The following OSBPL10 variants were observed in gnomAD, a reference collection of about 807,000 sequenced individuals.
The protein encoded by OSBPL10 is oxysterol-binding protein-related protein 10.
In OSBPL10, 49 loss-of-function variants were observed where a neutral mutation model predicts 81.7. The observed-to-expected ratio is 0.60, with a 90% CI of 0.48 to 0.76. The LOEUF (loss-of-function observed/expected upper bound fraction) is 0.76. Ranked by LOEUF, OSBPL10 falls within the 30% of genes least tolerant of loss-of-function variation. The pLI is 0.00. For synonymous variants in OSBPL10, 419 were observed against 383.6 expected (o/e 1.09, Z -1.08); for missense variants, 923 against 987.8 (o/e 0.93, Z 0.88).
chr3:31,964,851 A>G (rs930921012), intron 1 of OSBPL10, among the ~76,000 whole-genome samples: 10 of 152,184 alleles, frequency 6.6e-5, no homozygotes, highest in Non-Finnish European at 1.5e-4. Flanking sequence ...ACACAAATTC[A>G]GGGGAAAATC....
chr3:31,912,537 G>T (rs1234248762), intron 1 of OSBPL10, among the ~76,000 whole-genome samples: 1 of 152,146 alleles, frequency 6.6e-6, no homozygotes, highest in East Asian at 1.9e-4. Flanking sequence ...GAATGAAATG[G>T]TAAGTTAAGG....
At chr3:31,678,875 C>CT (rs1455872876) in intron 8 of OSBPL10, among the ~76,000 whole-genome samples, 1 of 151,160 alleles carries the variant, frequency 6.6e-6, no homozygotes, top group Non-Finnish European at 1.5e-5. Context: ...CTCTCTGCTT[C>CT]TATCTTTGCA....
At chr3:31,732,188 C>T (rs1307048108) in intron 6 of OSBPL10, among the ~76,000 whole-genome samples, 1 of 152,198 alleles carries the variant, frequency 6.6e-6, no homozygotes, top group Admixed American at 6.5e-5. Context: ...ACATACAGAG[C>T]AAATGCCTTT....
intron 4 of OSBPL10, among the ~76,000 whole-genome samples, chr3:31,805,815 G>T (rs1699508223): frequency 1.3e-5 from 2 of 151,934 alleles, no homozygotes; most frequent in Admixed American, 1.3e-4. Context: ...CAACAAGAAG[G>T]GAAGAACAGC....
chr3:31,745,799 G>A (rs150471027), intron 5 of OSBPL10, among the ~76,000 whole-genome samples: 20 of 152,324 alleles, frequency 1.3e-4, no homozygotes, highest in African/African-American at 4.8e-4. Context: ...TTCAGTAAAT[G>A]ATGGTGGGTT....
upstream of OSBPL10, chr3:31,986,281 AGAG>A (rs926550530): frequency 2.6e-4 from 40 of 152,254 alleles, no homozygotes; most frequent in African/African-American, 9.6e-4. Flanking sequence ...AGAAACTCAA[AGAG>A]GAGGAGTTGA....
At chr3:31,831,934 G>A (rs998933640) in intron 3 of OSBPL10, among the ~76,000 whole-genome samples, 3 of 152,208 alleles carry the variant, frequency 2.0e-5, no homozygotes, top group Admixed American at 6.5e-5. Flanking sequence ...GTTAGTCACC[G>A]CAGCACTATG....
intron 4 of OSBPL10, among the ~76,000 whole-genome samples, chr3:31,756,295 G>A (rs1188244917): frequency 6.6e-6 from 1 of 152,148 alleles, no homozygotes; most frequent in East Asian, 1.9e-4. Flanking sequence ...TCCTGCCTCA[G>A]AAAACAACAA....
intron 4 of OSBPL10, chr3:31,797,833 A>T (rs11129465): frequency 0.036 from 16,270 of 455,352 alleles, 398 homozygotes; most frequent in African/African-American, 0.085. Context: ...TGAGCATACA[A>T]GCCTTCACCT....
intron 2 of OSBPL10, among the ~76,000 whole-genome samples, chr3:32,008,176 C>CTTT (rs1559548470): frequency 1.6e-3 from 202 of 127,176 alleles, no homozygotes; most frequent in African/African-American, 7.3e-3. Flanking sequence ...ATGTTTTTAT[C>CTTT]ATTTTTTTTT....
At chr3:31,753,089 G>GT (rs764293484) in intron 4 of OSBPL10, among the ~76,000 whole-genome samples, 4 of 151,962 alleles carry the variant, frequency 2.6e-5, no homozygotes, top group Non-Finnish European at 4.4e-5. Flanking sequence ...TCCCTGCTAA[G>GT]TTCCCCTCTG....
At chr3:31,674,484 C>T (rs997330157) in intron 8 of OSBPL10, among the ~76,000 whole-genome samples, 23 of 152,030 alleles carry the variant, frequency 1.5e-4, no homozygotes, top group African/African-American at 4.1e-4. Context: ...CACTTGAGCC[C>T]GGGAGGTCGA....
chr3:31,991,035 C>G, intron 2 of OSBPL10: 1 of 1,467,978 alleles, frequency 6.8e-7, no homozygotes, highest in Non-Finnish European at 9.2e-7. Flanking sequence ...GTTCCAAATG[C>G]AATGAGTATA....
intron 2 of OSBPL10, chr3:31,990,230 C>G: frequency 1.2e-6 from 2 of 1,613,984 alleles, no homozygotes; most frequent in Non-Finnish European, 1.7e-6. Context: ...GGGCAGTCAA[C>G]ACTTATTCAC....
intron 3 of OSBPL10, among the ~76,000 whole-genome samples, chr3:31,865,112 T>A (rs988853502): frequency 6.6e-6 from 1 of 152,154 alleles, no homozygotes; most frequent in Non-Finnish European, 1.5e-5. Context: ...GGGAGCCCCA[T>A]TAAACCTCTG....
At chr3:31,917,813 T>G (rs1261055795) in intron 1 of OSBPL10, among the ~76,000 whole-genome samples, 1 of 151,448 alleles carries the variant, frequency 6.6e-6, no homozygotes, top group African/African-American at 2.4e-5. Flanking sequence ...AGGCTGACTT[T>G]GCTCCTCGGT....
rs537175155 is a variant in OSBPL10 at position 32,073,772 on chromosome 3, G to A, written n.185+3624C>T. 8.5e-4 allele frequency among the ~76,000 whole-genome samples: 129 copies of A among 152,052 alleles called. 1 individual carries two copies. In the Middle Eastern group the frequency reaches 0.014, roughly 16 times the overall value. On this transcript the variant is annotated intron_variant and non_coding_transcript_variant, in intron 1 of 3. Transcript: ENST00000479173. ...ATGACCTGCTCTTGTTTACACTGCC[G>A]GTTTACATTGTTTCTCCAAGCCATC...
intron 7 of OSBPL10, among the ~76,000 whole-genome samples, chr3:31,684,868 A>G (rs897680479): frequency 5.9e-5 from 9 of 152,094 alleles, no homozygotes; most frequent in Admixed American, 5.9e-4. Flanking sequence ...ACCTGCTGCT[A>G]AAGGACTGGC....
At chr3:31,873,062 T>A (rs1701370987) in intron 3 of OSBPL10, among the ~76,000 whole-genome samples, 1 of 152,070 alleles carries the variant, frequency 6.6e-6, no homozygotes, top group Non-Finnish European at 1.5e-5. Flanking sequence ...AGCGAGGAGA[T>A]TGATCATAAA....
Sources: allele counts gnomAD v4.1 joint callset (sites outside exome capture counted in the v4.1 genomes callset), GRCh38; gene constraint gnomAD v4.1.1; transcripts MANE v1.5; gene names NCBI Gene and HGNC (gene_info 2026-07-23, HGNC 2026-07-21).